The following SPATA13 variants were observed in gnomAD, a reference collection of about 807,000 sequenced individuals.
SPATA13 encodes the protein spermatogenesis associated 13.
A neutral mutation model predicts 104.0 loss-of-function variants in SPATA13; 50 were observed. The ratio of observed to expected loss-of-function variants is 0.48; its 90% CI spans 0.38 to 0.61. The LOEUF is 0.61. Among genes scored for constraint, SPATA13 ranks in the 20% least tolerant of loss-of-function variants. The probability of loss-of-function intolerance (pLI) is 0.00; values close to 1 mark genes in which losing one functional copy is unlikely to be tolerated. For synonymous variants in SPATA13, 606 were observed against 667.5 expected, an observed-to-expected ratio of 0.91 and a Z score of 1.42; for missense variants, 1,524 against 1,690.6, an observed-to-expected ratio of 0.90 and a Z score of 1.73.
In SPATA13 at chr13:24,223,938, C is replaced by T. The variant is rs559361839; in HGVS notation, c.1009C>T (p.Pro337Ser). Reference protein sequence around the residue: ...VTEAAWRRESPRSGAPSPGEA... With the variant: ...VTEAAWRRESSRSGAPSPGEA... ...TGAGGCTGCCTGGAGGAGGGAGAGT[C>T]CTAGGAGTGGGGCCCCATCCCCTGG... Residue 337 changes from proline to serine, a missense_variant, in exon 2 of 13, where the codon CCT (proline) becomes TCT (serine). This residue lies in a region of SPATA13 where 1,089 missense variants were observed against 1,135.9 expected (regional missense o/e 0.96). Coordinates refer to ENST00000382108, the MANE Select transcript of SPATA13 (RefSeq NM_001166271.3). 22 of 1,550,890 alleles carry T rather than the reference C, an allele frequency of 1.4e-5. No homozygotes were observed. In the East Asian group the frequency reaches 5.4e-4, roughly 38 times the overall value.
At chr13:24,055,685 C>A (rs958385570) in intron 3 of SPATA13, among the ~76,000 whole-genome samples, 1 of 152,178 alleles carries the variant, frequency 6.6e-6, no homozygotes, top group Non-Finnish European at 1.5e-5. Context: ...TCGCCAGGTG[C>A]CTTTGGCTAA....
intron 3 of SPATA13, among the ~76,000 whole-genome samples, chr13:24,076,038 T>C (rs1366697733): frequency 6.6e-6 from 1 of 152,224 alleles, no homozygotes; most frequent in African/African-American, 2.4e-5. Context: ...CAAACTAAGC[T>C]GACCATTTTG....
At chr13:24,096,748 G>A (rs759178959) in intron 3 of SPATA13, among the ~76,000 whole-genome samples, 1 of 152,130 alleles carries the variant, frequency 6.6e-6, no homozygotes, top group Non-Finnish European at 1.5e-5. Flanking sequence ...CCCAAGCAGA[G>A]GCTGCCCCAG....
intron 3 of SPATA13, among the ~76,000 whole-genome samples, chr13:24,058,662 G>C (rs1373833105): frequency 6.6e-6 from 1 of 151,996 alleles, no homozygotes; most frequent in South Asian, 2.1e-4. Flanking sequence ...TAATTTATTA[G>C]TTGCTTATTT....
intron 3 of SPATA13, among the ~76,000 whole-genome samples, chr13:24,070,378 G>T (rs1879115394): frequency 6.6e-6 from 1 of 152,126 alleles, no homozygotes; most frequent in Admixed American, 6.5e-5. Flanking sequence ...TTCCCTCAGG[G>T]TAGGGATGGC....
intron 2 of SPATA13, among the ~76,000 whole-genome samples, chr13:23,999,457 A>G (rs1421523715): frequency 2.0e-5 from 3 of 150,388 alleles, no homozygotes; most frequent in Non-Finnish European, 3.0e-5. Flanking sequence ...TGGCATATTA[A>G]CAATATTGAA....
chr13:24,078,219 C>T (rs1189963329), intron 3 of SPATA13, among the ~76,000 whole-genome samples: 5 of 152,156 alleles, frequency 3.3e-5, no homozygotes, highest in Admixed American at 3.3e-4. Flanking sequence ...TGCTGCCCAC[C>T]CTCATACCAA....
intron 1 of SPATA13, among the ~76,000 whole-genome samples, chr13:24,198,048 T>G (rs542490854): frequency 1.3e-5 from 2 of 152,130 alleles, no homozygotes; most frequent in East Asian, 1.9e-4. Flanking sequence ...CAGGCTGGAG[T>G]GCAGTGGCAT....
chr13:24,293,791 T>C (rs1490737371), intron 9 of SPATA13, among the ~76,000 whole-genome samples: 1 of 152,206 alleles, frequency 6.6e-6, no homozygotes, highest in African/African-American at 2.4e-5. Flanking sequence ...GACAGCAGGG[T>C]CTGCTTGGTG....
intron 1 of SPATA13, among the ~76,000 whole-genome samples, chr13:24,189,490 TATAC>T (rs1178114437): frequency 0.031 from 1,376 of 43,806 alleles, 32 homozygotes; most frequent in African/African-American, 0.054. Flanking sequence ...TCTCTATATA[TATAC>T]GTGTATATAT....
intron 3 of SPATA13, among the ~76,000 whole-genome samples, chr13:24,130,613 G>T (rs1025172756): frequency 6.6e-6 from 1 of 152,148 alleles, no homozygotes; most frequent in Non-Finnish European, 1.5e-5. Flanking sequence ...AGCTTTATGG[G>T]GTTAATAACT....
chr13:24,050,187 A>G (rs765698402), intron 3 of SPATA13, among the ~76,000 whole-genome samples: 6 of 152,030 alleles, frequency 3.9e-5, no homozygotes, highest in Non-Finnish European at 7.4e-5. Flanking sequence ...TTCTTTCTGA[A>G]CCATCTGGGG....
chr13:24,192,977 G>A (rs1454017629), intron 1 of SPATA13, among the ~76,000 whole-genome samples: 1 of 152,132 alleles, frequency 6.6e-6, no homozygotes, highest in Non-Finnish European at 1.5e-5. Flanking sequence ...CACTGTAACC[G>A]GCACATTATA....
intron 11 of SPATA13, among the ~76,000 whole-genome samples, chr13:24,298,879 C>T (rs1167504948): frequency 6.6e-6 from 1 of 152,192 alleles, no homozygotes; most frequent in Non-Finnish European, 1.5e-5. Flanking sequence ...CTTGGAAACA[C>T]TCAATGGGTA....
chr13:24,069,025 G>A (rs1374985363), intron 3 of SPATA13, among the ~76,000 whole-genome samples: 2 of 152,080 alleles, frequency 1.3e-5, no homozygotes, highest in Non-Finnish European at 2.9e-5. Context: ...TAGCCCTGTA[G>A]TATATTCTTG....
intron 7 of SPATA13, among the ~76,000 whole-genome samples, chr13:24,288,716 C>T (rs1265043542): frequency 1.3e-5 from 2 of 152,160 alleles, no homozygotes; most frequent in Non-Finnish European, 2.9e-5. Flanking sequence ...AAACACGTGA[C>T]GACACCAATT....
Position 24,125,013 on chromosome 13 carries a change from A to G in SPATA13, c.-111-97806A>G, listed in dbSNP as rs145575597. On this transcript the variant is annotated intron_variant, in intron 3 of 14. Transcript: ENST00000424834. ...GAGCGGGTGGTGGCAGACAGGAAAC[A>G]TTAGAGAATGTCAGGCAAGGCAGGG... Among the ~76,000 whole-genome samples the G allele has an allele frequency of 1.2e-4, 19 of 152,352 alleles. No homozygotes were observed. In the East Asian group the frequency reaches 2.5e-3, roughly 20 times the overall value.
intron 3 of SPATA13, among the ~76,000 whole-genome samples, chr13:24,064,703 TC>T (rs1361017177): frequency 2.6e-5 from 4 of 152,114 alleles, no homozygotes; most frequent in Non-Finnish European, 5.9e-5. Context: ...AGCTACCCAG[TC>T]TATGGTACTT....
At chr13:23,996,415 A>AAT (rs1566066037) in intron 2 of SPATA13, among the ~76,000 whole-genome samples, 1 of 151,794 alleles carries the variant, frequency 6.6e-6, no homozygotes, top group Admixed American at 6.6e-5. Context: ...TGGGCAAAAA[A>AAT]CGATCTGCAA....
Sources: gnomAD v4.1 joint callset for allele counts (sites outside exome capture counted in the v4.1 genomes callset) on GRCh38, gnomAD v4.1.1 for gene constraint, gnomAD v4.1.1 regional missense constraint, MANE v1.5 for transcripts, NCBI Gene and HGNC (gene_info 2026-07-23, HGNC 2026-07-21) for gene names.